SLC16A7: variants seen among roughly 807,000 people sequenced by gnomAD.
SLC16A7 encodes monocarboxylate transporter 2.
In SLC16A7, 33 loss-of-function variants were observed where a neutral mutation model predicts 34.9. The ratio of observed to expected loss-of-function variants is 0.94; its 90% confidence interval spans 0.72 to 1.26. SLC16A7 has a LOEUF of 1.26. Among genes scored for constraint, SLC16A7 ranks in the 50% most tolerant of loss-of-function variants. SLC16A7 has a pLI of 0.00. For synonymous variants in SLC16A7, 201 were observed against 206.6 expected, an observed-to-expected ratio of 0.97 and a Z score of 0.23; for missense variants, 573 against 578.1, an observed-to-expected ratio of 0.99 and a Z score of 0.09.
At chr12:59,666,783 T>C (rs890236901) in intron 2 of SLC16A7, among the ~76,000 whole-genome samples, 2 of 152,204 alleles carry the variant, frequency 1.3e-5, no homozygotes, top group African/African-American at 4.8e-5. Flanking sequence ...ATGTCTTCAT[T>C]AGCAGCATAA....
At chr12:59,677,705 A>G (rs918571640) in intron 2 of SLC16A7, among the ~76,000 whole-genome samples, 2 of 152,150 alleles carry the variant, frequency 1.3e-5, no homozygotes, top group Non-Finnish European at 2.9e-5. Context: ...TCTTTACCCT[A>G]TCTCTTAAAT....
intron 2 of SLC16A7, among the ~76,000 whole-genome samples, chr12:59,694,944 A>T (rs1383303164): frequency 6.6e-6 from 1 of 151,944 alleles, no homozygotes; most frequent in Non-Finnish European, 1.5e-5. Context: ...GGAACTCTGG[A>T]TGTGAGTTAG....
At chr12:59,696,837 AGAT>A (rs1372999565) in intron 2 of SLC16A7, among the ~76,000 whole-genome samples, 1 of 151,966 alleles carries the variant, frequency 6.6e-6, no homozygotes, top group African/African-American at 2.4e-5. Context: ...AATAAGTAGT[AGAT>A]AAGAAAATGA....
At chr12:59,668,662 G>A (rs921384923) in intron 2 of SLC16A7, among the ~76,000 whole-genome samples, 3 of 152,104 alleles carry the variant, frequency 2.0e-5, no homozygotes, top group African/African-American at 7.2e-5. Context: ...GGTTAATGCT[G>A]GAATGAATTA....
At chr12:59,691,636 T>C (rs940838330) in intron 2 of SLC16A7, among the ~76,000 whole-genome samples, 8 of 152,038 alleles carry the variant, frequency 5.3e-5, no homozygotes, top group African/African-American at 1.9e-4. Flanking sequence ...AAGTAGTCTT[T>C]CTGTGTATAC....
chr12:59,720,637 C>A (rs1875466233), intron 3 of SLC16A7, among the ~76,000 whole-genome samples: 1 of 152,026 alleles, frequency 6.6e-6, no homozygotes, highest in South Asian at 2.1e-4. Flanking sequence ...ATCTCCTCCC[C>A]ACTCCTTGTC....
intron 2 of SLC16A7, among the ~76,000 whole-genome samples, chr12:59,692,802 G>T (rs747086091): frequency 2.0e-5 from 3 of 151,942 alleles, no homozygotes; most frequent in Non-Finnish European, 4.4e-5. Flanking sequence ...CTCTTGTCTA[G>T]ATGTCAAAGT....
At chr12:59,768,094 A>C (rs777654964) in intron 3 of SLC16A7, 10 of 448,620 alleles carry the variant, frequency 2.2e-5, no homozygotes, top group South Asian at 1.6e-4. Flanking sequence ...AAGCATAATA[A>C]AAAAATTTAA....
At chr12:59,664,742 T>TA (rs1555166801) in intron 2 of SLC16A7, 1 of 152,132 alleles carries the variant, frequency 6.6e-6, no homozygotes, top group Non-Finnish European at 1.5e-5. Context: ...TATGAACTAA[T>TA]AGTGCACGTC....
At chr12:59,643,676 T>G (rs1880785002) in intron 1 of SLC16A7, among the ~76,000 whole-genome samples, 1 of 152,208 alleles carries the variant, frequency 6.6e-6, no homozygotes, top group Non-Finnish European at 1.5e-5. Context: ...TAGCTTACTG[T>G]AATTCAAGAA....
At chr12:59,728,749 A>G (rs1278333522) in intron 3 of SLC16A7, among the ~76,000 whole-genome samples, 1 of 152,208 alleles carries the variant, frequency 6.6e-6, no homozygotes, top group Non-Finnish European at 1.5e-5. Context: ...AGAAACTATC[A>G]TCAAGCAATG....
At chr12:59,727,151 C>CATATATAT (rs61274058) in intron 3 of SLC16A7, among the ~76,000 whole-genome samples, 49 of 141,974 alleles carry the variant, frequency 3.5e-4, no homozygotes, top group African/African-American at 1.2e-3. Context: ...ATGAGATGGA[C>CATATATAT]ATATATATAT....
intron 1 of SLC16A7, among the ~76,000 whole-genome samples, chr12:59,608,710 G>GA (rs1395881460): frequency 6.6e-6 from 1 of 151,880 alleles, no homozygotes; most frequent in Non-Finnish European, 1.5e-5. Flanking sequence ...GTTAATTTAA[G>GA]AAAAAAATAC....
chr12:59,712,617 T>C (rs1349004209), intron 3 of SLC16A7, among the ~76,000 whole-genome samples: 1 of 152,198 alleles, frequency 6.6e-6, no homozygotes, highest in African/African-American at 2.4e-5. Context: ...ACTACTGATG[T>C]GTAGAAGCAG....
chr12:59,712,316 G>A (rs1413464709), intron 3 of SLC16A7, among the ~76,000 whole-genome samples: 1 of 151,766 alleles, frequency 6.6e-6, no homozygotes, highest in Non-Finnish European at 1.5e-5. Flanking sequence ...GAAATAAATA[G>A]GGTCAATAAT....
At chr12:59,720,369 C>T (rs1693603) in intron 3 of SLC16A7, among the ~76,000 whole-genome samples, 18,631 of 151,876 alleles carry the variant, frequency 0.12, 1,490 homozygotes, top group African/African-American at 0.22. Context: ...ATCTTTTTGT[C>T]ATTGAAAAGG....
chr12:59,755,183 G>A (rs1055866602), intron 3 of SLC16A7, among the ~76,000 whole-genome samples: 13 of 152,220 alleles, frequency 8.5e-5, no homozygotes, highest in South Asian at 8.3e-4. Context: ...CATTCCCTTT[G>A]AAAACTGGCA....
At position 59,788,464 on chromosome 12, in the gene SLC16A7, A is replaced by G. The variant is rs1270392037; in HGVS notation, c.*8785A>G. 1 of 152,092 alleles carries G rather than the reference A, an allele frequency of 6.6e-6. No homozygotes were observed. The highest frequency in any genetic ancestry group is 1.5e-5 in the Non-Finnish European group (1 of 67,952). 9.4% of individuals were successfully genotyped at this position (152,092 alleles called of 1,614,324 possible). On this transcript the variant is annotated 3_prime_UTR_variant, in exon 6 of 6. Transcript: ENST00000547379. ...ACATGGTCTATCAACTATGGTTACT[A>G]TGATAGTGAAATAAAGAGGATAGTT...
chr12:59,682,708 A>G (rs531734461), intron 2 of SLC16A7, among the ~76,000 whole-genome samples: 2 of 152,230 alleles, frequency 1.3e-5, no homozygotes. Context: ...ATGGAGGGAA[A>G]ATGGATTTTC....
Sources: gnomAD v4.1 joint callset for allele counts (sites outside exome capture counted in the v4.1 genomes callset) on GRCh38, gnomAD v4.1.1 for gene constraint, MANE v1.5 for transcripts, NCBI Gene and HGNC (gene_info 2026-07-23, HGNC 2026-07-21) for gene names.